LRRC59: variants seen among roughly 807,000 people sequenced by gnomAD.
The protein encoded by LRRC59 is leucine rich repeat containing 59.
In LRRC59, 18 loss-of-function variants were observed where a neutral mutation model predicts 33.5. The ratio of observed to expected loss-of-function variants is 0.54; its 90% CI spans 0.37 to 0.80. The LOEUF is 0.80. LRRC59 is among the 30% of genes least tolerant of loss of function. LRRC59 has a pLI of 0.00. For missense variants in LRRC59, 330 were observed against 391.9 expected, an observed-to-expected ratio of 0.84 and a Z score of 1.33; for synonymous variants, 138 against 160.0, an observed-to-expected ratio of 0.86 and a Z score of 1.04.
At chr17:50,394,589 A>G (rs1436873157) in intron 2 of LRRC59, among the ~76,000 whole-genome samples, 1 of 152,156 alleles carries the variant, frequency 6.6e-6, no homozygotes, top group African/African-American at 2.4e-5. Flanking sequence ...AGCATCCTCT[A>G]TGCAGTAGGG....
In LRRC59 at chr17:50,394,855, C is replaced by A. The variant is rs535330081; in HGVS notation, c.165+74G>T. ...ACACCTTATGACACCCTCCCACCCCCCTCTCAACCCCCGAAACAGGAAGGA... is the reference window on the plus strand; with the variant it reads ...ACACCTTATGACACCCTCCCACCCCACTCTCAACCCCCGAAACAGGAAGGA... On this transcript the variant is annotated intron_variant, in intron 2 of 6. Coordinates refer to ENST00000225972, the MANE Select transcript of LRRC59 (RefSeq NM_018509.4). The A allele has an allele frequency of 1.5e-5, 16 of 1,071,650 alleles. 1 individual carries two copies. The highest frequency in any genetic ancestry group is 3.2e-5 in the African/African-American group (2 of 61,642). 66.4% of individuals were successfully genotyped at this position (1,071,650 alleles called of 1,614,324 possible).
chr17:50,388,204 T>A, intron 4 of LRRC59, 72 bp from the exon 5 acceptor site: 3 of 1,363,608 alleles, frequency 2.2e-6, no homozygotes, highest in Non-Finnish European at 3.1e-6. Flanking sequence ...AAAAACAGAC[T>A]ATTTTCAGGC....
At chr17:50,384,865 G>T (rs141846762) in intron 6 of LRRC59, among the ~76,000 whole-genome samples, 170 of 152,134 alleles carry the variant, frequency 1.1e-3, no homozygotes, top group Non-Finnish European at 1.8e-3. Context: ...TCTGTTCTGG[G>T]AATGCTTCAA....
At chr17:50,392,674 C>T (rs1186341109) in intron 3 of LRRC59, 65 bp downstream of exon 3, 10 of 1,589,394 alleles carry the variant, frequency 6.3e-6, no homozygotes, top group East Asian at 2.2e-5. Context: ...TTCTCAGGGC[C>T]GTGCTCCAGA....
Position 50,382,524 on chromosome 17 carries a change from T to A in LRRC59, c.*464A>T, listed in dbSNP as rs1229496899. 6.1e-6 allele frequency: 1 copy of A among 164,288 alleles called. No homozygotes were observed. Among genetic ancestry groups the A allele is most frequent in the Admixed American group, 5.6e-5 (1 of 17,768 alleles). 10.2% of individuals were successfully genotyped at this position (164,288 alleles called of 1,614,324 possible). On this transcript the variant is annotated 3_prime_UTR_variant, in exon 7 of 7. Coordinates refer to ENST00000225972, the MANE Select transcript of LRRC59 (RefSeq NM_018509.4). ...TAAAGAAAACAGGAATACCCCTACC[T>A]CCCAGTTTAGACTGGATTTACTGAG...
At chr17:50,385,315 T>C in intron 5 of LRRC59, 24 bp from the exon 6 acceptor site, 8 of 1,608,750 alleles carry the variant, frequency 5.0e-6, no homozygotes, top group Non-Finnish European at 5.9e-6. Flanking sequence ...TACCAAAATT[T>C]GACTTCTCTC....
chr17:50,395,637 G>A (rs1598371506), intron 1 of LRRC59, among the ~76,000 whole-genome samples: 1 of 152,114 alleles, frequency 6.6e-6, no homozygotes, highest in Non-Finnish European at 1.5e-5. Context: ...AGGCCCTGCC[G>A]GGTGCGGTGG....
chr17:50,384,417 C>T (rs968246348), intron 6 of LRRC59, among the ~76,000 whole-genome samples: 2 of 152,114 alleles, frequency 1.3e-5, no homozygotes, highest in Non-Finnish European at 2.9e-5. Context: ...ACCTTAGCCT[C>T]CCAAAGCACT....
At position 50,382,335 on chromosome 17, in the gene LRRC59, A is replaced by C. The variant is rs1567819189; in HGVS notation, c.*653T>G. 1 of 152,514 alleles carries C rather than the reference A, an allele frequency of 6.6e-6. No individual in the cohort carries two copies. Among genetic ancestry groups the C allele is most frequent in the Non-Finnish European group, 1.5e-5 (1 of 68,282 alleles). The allele number at this position is 152,514 out of a possible 1,614,324, so 9.4% of individuals were successfully genotyped here. A position where few individuals can be genotyped will look rare whatever the true frequency, so the allele number is the denominator to read the frequency against. ...ATGTAAAGGGAAGAAAGAATACCAGAGTGGGAATCCAGTTTTGCCTCAAAC... is the reference window on the plus strand; with the variant it reads ...ATGTAAAGGGAAGAAAGAATACCAGCGTGGGAATCCAGTTTTGCCTCAAAC... On this transcript the variant is annotated 3_prime_UTR_variant, in exon 7 of 7. Coordinates refer to ENST00000225972, the MANE Select transcript of LRRC59 (RefSeq NM_018509.4).
intron 1 of LRRC59, chr17:50,396,991 G>A (rs755028549): frequency 4.9e-6 from 2 of 412,306 alleles, no homozygotes; most frequent in Non-Finnish European, 8.6e-6. Context: ...GGCCAGAGAA[G>A]CAGATCTTCC....
intron 1 of LRRC59, chr17:50,396,477 C>T (rs1045255500): frequency 3.3e-5 from 5 of 152,234 alleles, no homozygotes; most frequent in African/African-American, 1.2e-4. Context: ...TTATCAACGG[C>T]AGAAAGCAAA....
At position 50,383,146 on chromosome 17, in the gene LRRC59, G is replaced by T; in HGVS notation, c.766C>A (p.Leu256Ile). Reference sequence around the variant, plus strand: ...ACCAGCCCTCCCGCCACACCAAATAGCAGCAGCAGCAGCAGCAGCTTCAGC... The same window carrying T: ...ACCAGCCCTCCCGCCACACCAAATATCAGCAGCAGCAGCAGCAGCTTCAGC... ...AVLKLLLLLL[L>I]FGVAGGLVAC... The change falls in exon 7 of 7, where the codon CTA (leucine) becomes ATA (isoleucine). Residue 256 changes from leucine (L) to isoleucine (I), a missense_variant. Physicochemically the swap from Leu to Ile is conservative, Grantham distance 5. Coordinates refer to ENST00000225972, the MANE Select transcript of LRRC59 (RefSeq NM_018509.4). 1 of 1,571,792 alleles carries T rather than the reference G, an allele frequency of 6.4e-7. No homozygotes were observed. The highest frequency in any genetic ancestry group is 8.6e-7 in the Non-Finnish European group (1 of 1,158,846).
rs1811738722 is a variant in LRRC59 at position 50,388,127 on chromosome 17, T to C, written c.435A>G (p.Leu145=). 1 of 1,614,176 alleles carries C rather than the reference T, an allele frequency of 6.2e-7. No homozygotes were observed. Among genetic ancestry groups the C allele is most frequent in the African/African-American group, 1.3e-5 (1 of 75,034 alleles). The change falls in exon 5 of 7, where the codon TTA becomes TTG. Residue 145 remains leucine (L), a synonymous_variant. Coordinates refer to ENST00000225972, the MANE Select transcript of LRRC59 (RefSeq NM_018509.4). ...KQCKQCANKV[L]QHMKAVQADQ... is the part of the protein sequence containing the mutation. ...CTGCCTGCACGGCCTTCATGTGCTG[T>C]AACACCTGCAAAGGAAAAGGAGGAA...
intron 1 of LRRC59, chr17:50,396,305 T>C (rs1007664279): frequency 2.6e-5 from 4 of 152,226 alleles, no homozygotes; most frequent in African/African-American, 7.2e-5. Context: ...TTATCACCAT[T>C]GTATAGATGA....
intron 4 of LRRC59, among the ~76,000 whole-genome samples, 168 bp downstream of exon 4, chr17:50,392,230 A>G (rs1914163113): frequency 6.6e-6 from 1 of 152,146 alleles, no homozygotes; most frequent in Non-Finnish European, 1.5e-5. Flanking sequence ...GATAAAGTAA[A>G]TGCAGAAACA....
chr17:50,393,777 A>G (rs1914205961), intron 2 of LRRC59, among the ~76,000 whole-genome samples: 1 of 152,232 alleles, frequency 6.6e-6, no homozygotes, highest in South Asian at 2.1e-4. Context: ...ACAAGCTCAG[A>G]TCGAAAAGTG....
chr17:50,383,995 A>G (rs1913940570), intron 6 of LRRC59, among the ~76,000 whole-genome samples: 1 of 149,264 alleles, frequency 6.7e-6, no homozygotes, highest in Non-Finnish European at 1.5e-5. Context: ...TGGTCAAGAC[A>G]AGGGTGAGTA....
chr17:50,394,059 A>G (rs1424077035), intron 2 of LRRC59, among the ~76,000 whole-genome samples: 4 of 152,148 alleles, frequency 2.6e-5, no homozygotes, highest in Non-Finnish European at 5.9e-5. Flanking sequence ...TGAATGTTAG[A>G]AACAGTTTTT....
chr17:50,392,300 T>C, intron 4 of LRRC59, 98 bp downstream of exon 4: 2 of 881,348 alleles, frequency 2.3e-6, no homozygotes, highest in African/African-American at 1.6e-5. Flanking sequence ...AATGCTTAAC[T>C]CCACACAAAG....
Sources: gnomAD v4.1 joint callset for allele counts (sites outside exome capture counted in the v4.1 genomes callset) on GRCh38, gnomAD v4.1.1 for gene constraint, MANE v1.5 for transcripts, NCBI Gene and HGNC (gene_info 2026-07-23, HGNC 2026-07-21) for gene names.